Variants in IRAK2 observed in about 807,000 individuals in gnomAD.
IRAK2 encodes interleukin 1 receptor associated kinase 2.
A neutral mutation model predicts 72.0 loss-of-function variants in IRAK2; 57 were observed. The ratio of observed to expected loss-of-function variants is 0.79; its 90% CI spans 0.64 to 0.99. IRAK2 has a LOEUF of 0.99. IRAK2 is among the 50% of genes least tolerant of loss of function. The pLI is 0.00. For synonymous variants in IRAK2, 293 were observed against 312.7 expected, an observed-to-expected ratio of 0.94 and a Z score of 0.67; for missense variants, 790 against 794.4, an observed-to-expected ratio of 0.99 and a Z score of 0.07.
intron 1 of IRAK2, among the ~76,000 whole-genome samples, chr3:10,168,117 A>G (rs1026228684): frequency 6.6e-6 from 1 of 151,726 alleles, no homozygotes; most frequent in Non-Finnish European, 1.5e-5. Flanking sequence ...CTATTTGAGG[A>G]GCTACCAGAT....
chr3:10,222,696 G>C lies in IRAK2; in HGVS notation c.1074G>C (p.Leu358=). ...AACTTGCTCACCCAATGGCTCATCT[G>C]TGTCCTGTCAACAAAAGGTCAAAAT... The part of the protein sequence containing the change: ...TPKLAHPMAH[L]CPVNKRSKYT... The change falls in exon 9 of 13, where the codon CTG becomes CTC. Residue 358 remains leucine (L), a synonymous_variant. Coordinates refer to ENST00000256458, the MANE Select transcript of IRAK2 (RefSeq NM_001570.4). 6.2e-7 allele frequency: 1 copy of C among 1,614,156 alleles called. No individual in the cohort carries two copies. The highest frequency in any genetic ancestry group is 2.2e-5 in the East Asian group (1 of 44,888).
intron 2 of IRAK2, among the ~76,000 whole-genome samples, chr3:10,184,731 T>TG (rs946588939): frequency 2.9e-4 from 16 of 55,872 alleles, no homozygotes; most frequent in Middle Eastern, 7.4e-3. Context: ...GTGTTTTTTT[T>TG]TTTTTTTTTT....
intron 8 of IRAK2, among the ~76,000 whole-genome samples, chr3:10,220,696 C>T (rs1354481474): frequency 1.3e-5 from 2 of 152,138 alleles, no homozygotes; most frequent in African/African-American, 2.4e-5. Context: ...CCGCCTTGGT[C>T]TCCTATAGTG....
intron 10 of IRAK2, among the ~76,000 whole-genome samples, chr3:10,230,478 G>A (rs1205687080): frequency 6.6e-6 from 1 of 152,066 alleles, no homozygotes; most frequent in African/African-American, 2.4e-5. Flanking sequence ...ATGAGCCACT[G>A]TGCCTGGCAT....
intron 1 of IRAK2, among the ~76,000 whole-genome samples, chr3:10,175,890 C>CAAAAAAAAAAAAAAA (rs59718922): frequency 1.9e-5 from 1 of 53,698 alleles, no homozygotes; most frequent in Non-Finnish European, 3.5e-5. Context: ...GACTCCGTCT[C>CAAAAAAAAAAAAAAA]AAAAAAAAAA....
intron 7 of IRAK2, among the ~76,000 whole-genome samples, chr3:10,218,900 C>T (rs898437672): frequency 6.6e-6 from 1 of 152,192 alleles, no homozygotes; most frequent in African/African-American, 2.4e-5. Flanking sequence ...TGTCTGATGT[C>T]AAAACCCATA....
Position 10,222,790 on chromosome 3 carries a change from G to A in IRAK2, c.1168G>A (p.Gly390Arg), listed in dbSNP as rs375099361. 1.2e-6 allele frequency: 2 copies of A among 1,614,158 alleles called. No individual in the cohort carries two copies. The highest frequency in any genetic ancestry group is 1.7e-6 in the Non-Finnish European group (2 of 1,180,022). ...TCTGCCAGAGGATTTCATCCGGGTG[G>A]GGCAGCTGACAAAGCGAGTGGACAT... The part of the protein sequence containing the change: ...AYLPEDFIRV[G>R]QLTKRVDIFS... The change falls in exon 9 of 13, where the codon GGG (glycine) becomes AGG (arginine). Residue 390 changes from glycine (G) to arginine (R), a missense_variant. By Grantham distance (125) the Gly-to-Arg change is moderately radical. Coordinates refer to ENST00000256458, the MANE Select transcript of IRAK2 (RefSeq NM_001570.4).
At chr3:10,203,285 C>A (rs1697390367) in intron 3 of IRAK2, among the ~76,000 whole-genome samples, 1 of 152,232 alleles carries the variant, frequency 6.6e-6, no homozygotes, top group Non-Finnish European at 1.5e-5. Flanking sequence ...GCGTGAGCCA[C>A]TGCACCCAGC....
intron 2 of IRAK2, among the ~76,000 whole-genome samples, chr3:10,189,816 T>C (rs1421929333): frequency 6.6e-6 from 1 of 152,036 alleles, no homozygotes; most frequent in Non-Finnish European, 1.5e-5. Context: ...GTGTCTGCTC[T>C]CTTGGAAGGC....
rs1221451327 is a variant in IRAK2 at position 10,218,439 on chromosome 3, A to AC, written c.904-1241_904-1240insC. 1.6e-3 allele frequency among the ~76,000 whole-genome samples: 214 copies of AC among 132,742 alleles called. 3 individuals carry two copies. Among genetic ancestry groups the AC allele is most frequent in the Admixed American group, 3.2e-3 (40 of 12,556 alleles). 87.1% of individuals were successfully genotyped at this position (132,742 alleles called of 152,430 possible). A position where few individuals can be genotyped will look rare whatever the true frequency, so the allele number is the denominator to read the frequency against. On this transcript the variant is annotated intron_variant, in intron 7 of 12. Coordinates refer to ENST00000256458, the MANE Select transcript of IRAK2 (RefSeq NM_001570.4). ...ACTCCGTCTCAAAAAAAAAAAAAAA[A>AC]AAAAAACCAAAACGGTGATGATTTA...
chr3:10,176,639 G>A (rs554670597), intron 1 of IRAK2, among the ~76,000 whole-genome samples: 10 of 150,886 alleles, frequency 6.6e-5, no homozygotes, highest in African/African-American at 9.7e-5. Context: ...CACCACGCCC[G>A]GCTAATTTTT....
At chr3:10,234,765 G>A (rs1270028311) in intron 11 of IRAK2, 106 bp downstream of exon 11, 7 of 1,007,858 alleles carry the variant, frequency 6.9e-6, no homozygotes, top group Non-Finnish European at 1.0e-5. Flanking sequence ...GGTTGTGCTT[G>A]CTTGCAAGCC....
chr3:10,230,442 C>T (rs1697841458), intron 10 of IRAK2, among the ~76,000 whole-genome samples: 1 of 152,126 alleles, frequency 6.6e-6, no homozygotes, highest in Non-Finnish European at 1.5e-5. Context: ...CCCACCTTAG[C>T]CTCCCGGGTA....
intron 2 of IRAK2, among the ~76,000 whole-genome samples, chr3:10,185,413 C>T (rs1350879227): frequency 2.7e-5 from 4 of 150,380 alleles, no homozygotes; most frequent in African/African-American, 7.5e-5. Flanking sequence ...CAAAATTAGC[C>T]GGGCGTGGTG....
intron 2 of IRAK2, among the ~76,000 whole-genome samples, chr3:10,188,684 G>C (rs143531940): frequency 6.6e-6 from 1 of 152,306 alleles, no homozygotes; most frequent in Admixed American, 6.5e-5. Flanking sequence ...GCGCCACCAC[G>C]CCCGGCTTAT....
intron 7 of IRAK2, among the ~76,000 whole-genome samples, chr3:10,218,423 CAAAAAA>C (rs56893916): frequency 4.1e-5 from 2 of 49,306 alleles, no homozygotes; most frequent in South Asian, 1.4e-3. Flanking sequence ...GACTCCGTCT[CAAAAAA>C]AAAAAAAAAA....
intron 3 of IRAK2, among the ~76,000 whole-genome samples, chr3:10,202,302 A>G (rs1697371277): frequency 6.6e-6 from 1 of 152,222 alleles, no homozygotes; most frequent in South Asian, 2.1e-4. Context: ...TCCTTCTGGT[A>G]TTCTTTATCT....
At chr3:10,226,110 C>T (rs1211379447) in intron 9 of IRAK2, among the ~76,000 whole-genome samples, 1 of 152,130 alleles carries the variant, frequency 6.6e-6, no homozygotes, top group Non-Finnish European at 1.5e-5. Flanking sequence ...CATATAAACA[C>T]ACACACACAT....
chr3:10,226,514 G>A, intron 10 of IRAK2, 81 bp downstream of exon 10: 9 of 1,181,164 alleles, frequency 7.6e-6, no homozygotes, highest in African/African-American at 1.5e-5. Context: ...CTCAATTCTA[G>A]CTAGTTTTAC....
Sources: allele counts gnomAD v4.1 joint callset (sites outside exome capture counted in the v4.1 genomes callset), GRCh38; gene constraint gnomAD v4.1.1; transcripts MANE v1.5; gene names NCBI Gene and HGNC (gene_info 2026-07-23, HGNC 2026-07-21).